The following ADGRE5 variants were observed in gnomAD, a reference collection of about 807,000 sequenced individuals.
The protein encoded by ADGRE5 is adhesion G protein-coupled receptor E5.
Under a neutral mutation model 100.3 loss-of-function variants are expected in ADGRE5, and 72 were observed. The observed-to-expected ratio is 0.72, with a 90% confidence interval of 0.59 to 0.87. The LOEUF is 0.87. Ranked by LOEUF, ADGRE5 falls within the 40% of genes least tolerant of loss-of-function variation. ADGRE5 has a pLI of 0.00. For missense variants in ADGRE5, 959 were observed against 1,094.7 expected, an observed-to-expected ratio of 0.88 and a Z score of 1.75; for synonymous variants, 439 against 447.8, an observed-to-expected ratio of 0.98 and a Z score of 0.25.
rs1233525671 is a variant in ADGRE5, at chr19:14,381,457, C to G, written c.-67C>G. On this transcript the variant is annotated 5_prime_UTR_variant, in exon 1 of 20. Transcript: ENST00000242786. ...GGGACAGCCTGCACAGCTGCCTAGC[C>G]TGTGGAGACGGGACAGCCCTGTCCC... 6 of 1,602,830 alleles carry G rather than the reference C, an allele frequency of 3.7e-6. No homozygotes were observed. The East Asian group carries it at 1.1e-4, about 30-fold the overall frequency.
At chr19:14,388,575 C>G (rs561032698) in intron 2 of ADGRE5, 75 bp downstream of exon 2, 2 of 1,597,878 alleles carry the variant, frequency 1.3e-6, no homozygotes, top group Non-Finnish European at 1.7e-6. Context: ...CGCCCAGCCC[C>G]CTTCAGCCCA....
rs746554560 is a variant in ADGRE5, at chr19:14,381,533, C to A, written c.10C>A (p.Arg4Ser). The A allele has an allele frequency of 6.2e-7, 1 of 1,609,686 alleles. No individual in the cohort carries two copies. Among genetic ancestry groups the A allele is most frequent in the Non-Finnish European group, 8.5e-7 (1 of 1,178,416 alleles). The stretch of plus-strand genomic sequence containing the variant: ...GCCGGCAGCTCCAACCATGGGAGGC[C>A]GCGTCTTTCTCGGTAAGTACTTTGG... MGG[R>S]VFLAFCVWLT... Residue 4 changes from arginine to serine, a missense_variant, in exon 1 of 20, where the codon CGC becomes AGC. Around this residue, in one of 6 missense-constraint regions of ADGRE5, gnomAD observed 114 missense variants for 195.7 expected, o/e 0.58. Coordinates refer to ENST00000242786, the MANE Select transcript of ADGRE5 (RefSeq NM_078481.4).
chr19:14,402,807 C>T lies in ADGRE5; in HGVS notation c.1394C>T (p.Ala465Val). The T allele has an allele frequency of 6.2e-7, 1 of 1,614,064 alleles. No homozygotes were observed. The highest frequency in any genetic ancestry group is 8.5e-7 in the Non-Finnish European group (1 of 1,180,012). Residue 465 changes from alanine (A) to valine (V), a missense_variant, in exon 12 of 20, where the codon GCC becomes GTC. Physicochemically the swap from Ala to Val is moderately conservative, Grantham distance 64. Around this residue, in one of 6 missense-constraint regions of ADGRE5, gnomAD observed 246 missense variants for 242.2 expected, o/e 1.02. Coordinates refer to ENST00000242786, the MANE Select transcript of ADGRE5 (RefSeq NM_078481.4). ...TKELNSPILF[A>V]FSHLESSDGE... Reference sequence around the variant, plus strand: ...GAACTCAACTCCCCCATCCTTTTCGCCTTCTCCCACCTTGAGTCCTCCGAT... The same window carrying T: ...GAACTCAACTCCCCCATCCTTTTCGTCTTCTCCCACCTTGAGTCCTCCGAT...
At chr19:14,395,014 C>T (rs1568312045) in intron 4 of ADGRE5, among the ~76,000 whole-genome samples, 1 of 152,124 alleles carries the variant, frequency 6.6e-6, no homozygotes, top group Non-Finnish European at 1.5e-5. Flanking sequence ...CAAATGGATT[C>T]AGAGGGCTGG....
chr19:14,408,093 C>A lies in ADGRE5; in HGVS notation c.2480C>A (p.Ala827Asp), dbSNP rs1178758996. Residue 827 changes from alanine (A) to aspartate (D), a missense_variant and splice_region_variant, in exon 20 of 20, where the codon GCC becomes GAC. By Grantham distance (126) the Ala-to-Asp change is moderately radical. This residue lies in a region of ADGRE5 where 428 missense variants were observed against 386.2 expected (regional missense o/e 1.11). Transcript: ENST00000242786. ...TSGTGHNQTR[A>D]LRASESGI Reference sequence around the variant, plus strand: ...AGGCCTCTGGGCTCTCCTCTCCAGGCCCTCAGGGCATCAGAGTCCGGCATA... The same window carrying A: ...AGGCCTCTGGGCTCTCCTCTCCAGGACCTCAGGGCATCAGAGTCCGGCATA... 9 of 1,613,756 alleles carry A rather than the reference C, an allele frequency of 5.6e-6. No individual in the cohort carries two copies. Among genetic ancestry groups the A allele is most frequent in the Non-Finnish European group, 3.4e-6 (4 of 1,180,016 alleles).
intron 3 of ADGRE5, among the ~76,000 whole-genome samples, chr19:14,390,243 G>A (rs1199385310): frequency 6.6e-6 from 1 of 151,944 alleles, no homozygotes; most frequent in Non-Finnish European, 1.5e-5. Flanking sequence ...AGAGAAGCTG[G>A]GTGCTCAGGA....
At chr19:14,391,797 A>AT (rs1222681794) in intron 4 of ADGRE5, among the ~76,000 whole-genome samples, 1 of 152,050 alleles carries the variant, frequency 6.6e-6, no homozygotes, top group Non-Finnish European at 1.5e-5. Context: ...AATTAAAAAC[A>AT]TTAAATGAAA....
chr19:14,401,176 G>A lies in ADGRE5; in HGVS notation c.898-210G>A, dbSNP rs541048649. ...CAAAACAGAGCCTGGCAGGCAGCCC[G>A]TGCCCAACCAGTGTTAAGCGCTGTG... is the stretch of plus-strand genomic sequence containing the variant. On this transcript the variant is annotated intron_variant, in intron 9 of 19. Transcript: ENST00000242786. The surrounding 1 kb of genome is among the most constrained non-coding windows in gnomAD (Gnocchi z 4.1). 1.6e-4 allele frequency among the ~76,000 whole-genome samples: 23 copies of A among 147,486 alleles called. No homozygotes were observed. The South Asian group carries it at 4.4e-3, about 28-fold the overall frequency.
In ADGRE5 at chr19:14,407,896, C is replaced by T. The variant is rs751112053; in HGVS notation, c.2377-12C>T. On this transcript the variant is annotated splice_polypyrimidine_tract_variant and intron_variant, in intron 18 of 19. Transcript: ENST00000242786. Reference sequence around the variant, plus strand: ...GCCTGCTCCTGCCCTGACTTGGTGTCTGGGCCGGCAGGTTCGGGAAGAATA... The same window carrying T: ...GCCTGCTCCTGCCCTGACTTGGTGTTTGGGCCGGCAGGTTCGGGAAGAATA... 1.2e-6 allele frequency: 2 copies of T among 1,613,160 alleles called. No homozygotes were observed. Among genetic ancestry groups the T allele is most frequent in the Admixed American group, 1.7e-5 (1 of 59,980 alleles).
intron 4 of ADGRE5, chr19:14,391,570 C>CA (rs59428437): frequency 0.12 from 17,061 of 144,218 alleles, 1,130 homozygotes; most frequent in African/African-American, 0.19. Flanking sequence ...CAAAAAATAC[C>CA]AAAAAAAAAA....
intron 6 of ADGRE5, 49 bp from the exon 7 acceptor site, chr19:14,397,609 A>T (rs1160889757): frequency 1.2e-6 from 2 of 1,602,776 alleles, no homozygotes; most frequent in South Asian, 2.2e-5. Context: ...AGGAGACAGG[A>T]CCCTCTCCAG....
chr19:14,408,103 A>C lies in ADGRE5; in HGVS notation c.2490A>C (p.Ala830=). Residue 830 remains alanine (A), a synonymous_variant, in exon 20 of 20, where the codon GCA becomes GCC. Coordinates refer to ENST00000242786, the MANE Select transcript of ADGRE5 (RefSeq NM_078481.4). Reference sequence around the variant, plus strand: ...GCTCTCCTCTCCAGGCCCTCAGGGCATCAGAGTCCGGCATATGAAGGCGCA... The same window carrying C: ...GCTCTCCTCTCCAGGCCCTCAGGGCCTCAGAGTCCGGCATATGAAGGCGCA... ...TGHNQTRALR[A]SESGI 1 of 1,613,682 alleles carries C rather than the reference A, an allele frequency of 6.2e-7. No homozygotes were observed. The highest frequency in any genetic ancestry group is 8.5e-7 in the Non-Finnish European group (1 of 1,180,004).
chr19:14,391,220 T>C, intron 4 of ADGRE5, 141 bp downstream of exon 4: 1 of 1,038,824 alleles, frequency 9.6e-7, no homozygotes, highest in Non-Finnish European at 1.4e-6. Context: ...CACATGTACC[T>C]ACCCCACCAC....
chr19:14,381,697 G>A, intron 1 of ADGRE5, 152 bp downstream of exon 1: 2 of 949,682 alleles, frequency 2.1e-6, no homozygotes, highest in Admixed American at 3.1e-5. Flanking sequence ...CACACGGCGA[G>A]AGGGGCTGGT....
chr19:14,382,284 G>T (rs1975185721), intron 1 of ADGRE5, among the ~76,000 whole-genome samples: 1 of 152,204 alleles, frequency 6.6e-6, no homozygotes, highest in Non-Finnish European at 1.5e-5. Flanking sequence ...CCAAGTGGCA[G>T]GTGTCAGCTC....
In ADGRE5 at chr19:14,405,763, C is replaced by T. The variant is rs1400466000; in HGVS notation, c.1645C>T (p.Leu549=). The T allele has an allele frequency of 1.2e-6, 2 of 1,613,208 alleles. No individual in the cohort carries two copies. The highest frequency in any genetic ancestry group is 3.3e-5 in the Admixed American group (2 of 59,964). The change falls in exon 14 of 20, where the codon CTG becomes TTG. Residue 549 remains leucine, a synonymous_variant. Transcript: ENST00000242786. ...CCACTCCTAGGACTGGAAGCTGACC[C>T]TGATCACCAGGGTGGGACTGGCGCT... ...HYDVEDWKLT[L]ITRVGLALSL...
rs564569618 is a variant in ADGRE5, at chr19:14,388,878, G to A, written c.190+60G>A. The A allele has an allele frequency of 1.1e-4, 156 of 1,480,176 alleles. No homozygotes were observed. In the Middle Eastern group the frequency reaches 1.5e-3, roughly 15 times the overall value. The allele number at this position is 1,480,176 out of a possible 1,614,324, so 91.7% of individuals were successfully genotyped here. ...GCGATTATGAGGCATTGCCCAGCCA[G>A]TGGGGGACAGAGGTTGTTGTGAGGG... is the stretch of plus-strand genomic sequence containing the variant. On this transcript the variant is annotated intron_variant, in intron 3 of 19. Coordinates refer to ENST00000242786, the MANE Select transcript of ADGRE5 (RefSeq NM_078481.4).
chr19:14,406,043 G>T lies in ADGRE5; in HGVS notation c.1821+104G>T. Reference sequence around the variant, plus strand: ...CTCAGTCGGGTAGGCGGGCCCTGGAGGCATGAGGCCCCGCCCCTGTCCGGG... The same window carrying T: ...CTCAGTCGGGTAGGCGGGCCCTGGATGCATGAGGCCCCGCCCCTGTCCGGG... On this transcript the variant is annotated intron_variant, in intron 14 of 19. Coordinates refer to ENST00000242786, the MANE Select transcript of ADGRE5 (RefSeq NM_078481.4). This position sits in a 1 kb window ranked among gnomAD's most constrained non-coding sequence, Gnocchi z 6.0. 1 of 1,021,562 alleles carries T rather than the reference G, an allele frequency of 9.8e-7. No individual in the cohort carries two copies. Among genetic ancestry groups the T allele is most frequent in the South Asian group, 1.6e-5 (1 of 61,458 alleles). 63.3% of individuals were successfully genotyped at this position (1,021,562 alleles called of 1,614,324 possible).
intron 4 of ADGRE5, among the ~76,000 whole-genome samples, chr19:14,393,994 C>G (rs1568311601): frequency 6.6e-6 from 1 of 152,194 alleles, no homozygotes; most frequent in Non-Finnish European, 1.5e-5. Context: ...ACCTGCACAG[C>G]TGTACTTGGT....
Sources: gnomAD v4.1 joint callset for allele counts (sites outside exome capture counted in the v4.1 genomes callset) on GRCh38, gnomAD v4.1.1 for gene constraint, gnomAD v4.1.1 regional missense constraint, Gnocchi (gnomAD v3.1) non-coding constraint, MANE v1.5 for transcripts, NCBI Gene and HGNC (gene_info 2026-07-23, HGNC 2026-07-21) for gene names.